KANK1: variants seen among roughly 807,000 people sequenced by gnomAD.
KANK1 encodes the protein KN motif and ankyrin repeat domains 1, also known as KN motif and ankyrin repeat domain-containing protein 1.
A neutral mutation model predicts 106.2 loss-of-function variants in KANK1; 109 were observed. The ratio of observed to expected loss-of-function variants is 1.03; its 90% CI spans 0.88 to 1.20. KANK1 has a LOEUF of 1.20. KANK1 is among the 50% of genes most tolerant of loss of function. The pLI, the probability that KANK1 is intolerant of heterozygous loss-of-function variation, is 0.00. For missense variants in KANK1, 2,399 were observed against 1,710.7 expected, an observed-to-expected ratio of 1.40 and a Z score of -7.10; for synonymous variants, 873 against 652.2, an observed-to-expected ratio of 1.34 and a Z score of -5.16.
chr9:563,356 C>T (rs1027913801), intron 1 of KANK1, among the ~76,000 whole-genome samples: 2 of 152,104 alleles, frequency 1.3e-5, no homozygotes, highest in African/African-American at 2.4e-5. Flanking sequence ...TGTGAATATT[C>T]CATTAACTGA....
chr9:728,021 C>CATTAACAT (rs974632998), intron 3 of KANK1, among the ~76,000 whole-genome samples: 1 of 152,072 alleles, frequency 6.6e-6, no homozygotes, highest in African/African-American at 2.4e-5. Flanking sequence ...AACTGACCAG[C>CATTAACAT]ATTAACATTA....
At chr9:594,939 G>C (rs1373368706) in intron 1 of KANK1, among the ~76,000 whole-genome samples, 1 of 151,634 alleles carries the variant, frequency 6.6e-6, no homozygotes, top group Admixed American at 6.6e-5. Flanking sequence ...ATTAAACAAA[G>C]ATATGTAGAT....
At chr9:718,567 C>T (rs909023000) in intron 3 of KANK1, among the ~76,000 whole-genome samples, 2 of 152,078 alleles carry the variant, frequency 1.3e-5, no homozygotes, top group Non-Finnish European at 2.9e-5. Context: ...GCCTCAGCCT[C>T]CCAAATTATT....
At chr9:710,696 C>G (rs1825790649) in intron 2 of KANK1, 108 bp from the exon 3 acceptor site, 6 of 939,512 alleles carry the variant, frequency 6.4e-6, no homozygotes, top group Non-Finnish European at 9.2e-6. Context: ...ATAGGTGTGT[C>G]AACTCTTAAA....
chr9:669,868 G>C (rs1845498893), intron 1 of KANK1, among the ~76,000 whole-genome samples: 1 of 151,840 alleles, frequency 6.6e-6, no homozygotes, highest in African/African-American at 2.4e-5. Flanking sequence ...CTTAGATTTG[G>C]TCTTTTAAGG....
chr9:547,871 G>A (rs995481831), intron 1 of KANK1, among the ~76,000 whole-genome samples: 8 of 152,232 alleles, frequency 5.3e-5, no homozygotes, highest in Admixed American at 5.2e-4. Flanking sequence ...GCTGAAGGAT[G>A]TTGATGTTAA....
chr9:507,890 T>G (rs1309935882), intron 1 of KANK1, among the ~76,000 whole-genome samples: 1 of 151,956 alleles, frequency 6.6e-6, no homozygotes, highest in African/African-American at 2.4e-5. Context: ...TTCACCGTGT[T>G]GGTCAGGCTG....
At chr9:509,977 T>TC (rs2058957820) in intron 1 of KANK1, among the ~76,000 whole-genome samples, 1 of 149,018 alleles carries the variant, frequency 6.7e-6, no homozygotes, top group African/African-American at 2.5e-5. Context: ...ATTTTTCCTT[T>TC]TTTTTTTTTT....
At chr9:530,893 C>G (rs1272106439) in intron 1 of KANK1, among the ~76,000 whole-genome samples, 1 of 152,106 alleles carries the variant, frequency 6.6e-6, no homozygotes, top group Non-Finnish European at 1.5e-5. Flanking sequence ...CAGGCTGAGG[C>G]TGCAGTGAGT....
At chr9:512,249 G>GTGTGTGTGTGTGTGTGTATA (rs370159663) in intron 1 of KANK1, among the ~76,000 whole-genome samples, 126 of 149,612 alleles carry the variant, frequency 8.4e-4, no homozygotes, top group African/African-American at 3.0e-3. Flanking sequence ...GTGTGTGTGT[G>GTGTGTGTGTGTGTGTGTATA]TATGTATATA....
At chr9:596,512 A>G (rs1198975093) in intron 1 of KANK1, among the ~76,000 whole-genome samples, 1 of 151,660 alleles carries the variant, frequency 6.6e-6, no homozygotes, top group African/African-American at 2.4e-5. Flanking sequence ...GGAGCCAGTG[A>G]TTATTTACCA....
chr9:586,623 G>A (rs752424766), intron 1 of KANK1, among the ~76,000 whole-genome samples: 7 of 152,054 alleles, frequency 4.6e-5, no homozygotes, highest in Non-Finnish European at 8.8e-5. Context: ...AGTGGTCTGA[G>A]TAAGTATGAT....
chr9:564,856 G>C (rs1277641760), intron 1 of KANK1, among the ~76,000 whole-genome samples: 1 of 152,192 alleles, frequency 6.6e-6, no homozygotes, highest in Non-Finnish European at 1.5e-5. Flanking sequence ...TTGACATACA[G>C]TGTTGTTTTT....
At chr9:741,284 T>C (rs971173375) in intron 9 of KANK1, among the ~76,000 whole-genome samples, 18 of 152,130 alleles carry the variant, frequency 1.2e-4, no homozygotes, top group African/African-American at 4.1e-4. Flanking sequence ...ACTGTCTTCA[T>C]AGCAAACAGT....
At chr9:639,089 G>A (rs1837794016) in intron 1 of KANK1, among the ~76,000 whole-genome samples, 1 of 152,054 alleles carries the variant, frequency 6.6e-6, no homozygotes, top group Non-Finnish European at 1.5e-5. Context: ...AACACTCTTA[G>A]GACATGCTTT....
At chr9:616,153 A>G (rs1030418354) in intron 1 of KANK1, among the ~76,000 whole-genome samples, 4 of 152,190 alleles carry the variant, frequency 2.6e-5, no homozygotes, top group African/African-American at 4.8e-5. Flanking sequence ...AACAAGATGA[A>G]ATTTTCAGGT....
At chr9:499,294 A>T (rs1587271236) in intron 3 of KANK1, among the ~76,000 whole-genome samples, 1 of 152,216 alleles carries the variant, frequency 6.6e-6, no homozygotes, top group Admixed American at 6.5e-5. Flanking sequence ...TTGAATATTC[A>T]TAGCAGCATT....
chr9:686,211 C>T (rs1818518279), intron 2 of KANK1, among the ~76,000 whole-genome samples: 1 of 152,184 alleles, frequency 6.6e-6, no homozygotes, highest in African/African-American at 2.4e-5. Flanking sequence ...AGTCTGTCTA[C>T]CCAACACGGT....
chr9:524,982 C>CTTTTTTTTTTTTTTTTTTT (rs35377139), intron 1 of KANK1, among the ~76,000 whole-genome samples: 9 of 91,960 alleles, frequency 9.8e-5, no homozygotes, highest in African/African-American at 4.2e-4. Context: ...CTCTTGCTGC[C>CTTTTTTTTTTTTTTTTTTT]TTTTTTTTTT....
Sources: gnomAD v4.1 joint callset for allele counts (sites outside exome capture counted in the v4.1 genomes callset) on GRCh38, gnomAD v4.1.1 for gene constraint, MANE v1.5 for transcripts, NCBI Gene and HGNC (gene_info 2026-07-23, HGNC 2026-07-21) for gene names.